The following ARHGAP20 variants were observed in gnomAD, a reference collection of about 807,000 sequenced individuals.
The protein encoded by ARHGAP20 is rho GTPase-activating protein 20.
In ARHGAP20, 34 loss-of-function variants were observed where a neutral mutation model predicts 73.7. The observed-to-expected ratio is 0.46, with a 90% CI of 0.35 to 0.61. ARHGAP20 has a LOEUF of 0.61. ARHGAP20 is among the 20% of genes least tolerant of loss of function. ARHGAP20 has a pLI of 0.00. For missense variants in ARHGAP20, 1,314 were observed against 1,420.9 expected (o/e 0.92, Z 1.21); for synonymous variants, 523 against 518.2 (o/e 1.01, Z -0.13).
chr11:110,706,597 A>ACTCT, intron 1 of ARHGAP20, among the ~76,000 whole-genome samples: 1 of 152,042 alleles, frequency 6.6e-6, no homozygotes, highest in Admixed American at 6.5e-5. Flanking sequence ...CTTTACACCT[A>ACTCT]CTCTCACATG....
intron 4 of ARHGAP20, among the ~76,000 whole-genome samples, chr11:110,622,334 C>CT (rs1415302042): frequency 6.6e-6 from 1 of 152,106 alleles, no homozygotes; most frequent in East Asian, 1.9e-4. Flanking sequence ...CAACACTTCA[C>CT]TTTTTTAAAA....
chr11:110,646,327 G>A (rs1381814178), intron 2 of ARHGAP20, among the ~76,000 whole-genome samples: 1 of 152,056 alleles, frequency 6.6e-6, no homozygotes, highest in Non-Finnish European at 1.5e-5. Context: ...AAAGAAAACA[G>A]CTGGCTTTGA....
At position 110,712,208 on chromosome 11, in the gene ARHGAP20, C is replaced by T; in HGVS notation, c.24G>A (p.Gln8=). 7.3e-7 allele frequency: 1 copy of T among 1,368,452 alleles called. No individual in the cohort carries two copies. Among genetic ancestry groups the T allele is most frequent in the African/African-American group, 1.5e-5 (1 of 66,920 alleles). The allele number at this position is 1,368,452 out of a possible 1,614,324, so 84.8% of individuals were successfully genotyped here. Reference sequence around the variant, plus strand: ...GCCCCGGCTGTCCCCCTAGAGTCTCCTGCTGGGGGGACATCGCTTCCATGA... The same window carrying T: ...GCCCCGGCTGTCCCCCTAGAGTCTCTTGCTGGGGGGACATCGCTTCCATGA... MEAMSPQ[Q]ETLGGQPGRS... is the part of the protein sequence containing the mutation. Residue 8 remains glutamine, a synonymous_variant, in exon 1 of 15, where the codon CAG becomes CAA. Transcript: ENST00000683387.
rs1373573695 is a variant in ARHGAP20 at position 110,577,815 on chromosome 11, ACTT to A, written c.*1552_*1554del. 5 of 985,624 alleles carry A rather than the reference ACTT, an allele frequency of 5.1e-6. No homozygotes were observed. Among genetic ancestry groups the A allele is most frequent in the East Asian group, 2.3e-4 (2 of 8,826 alleles). The allele number at this position is 985,624 out of a possible 1,614,324, so 61.1% of individuals were successfully genotyped here. On this transcript the variant is annotated 3_prime_UTR_variant, in exon 15 of 15. Transcript: ENST00000683387. ...AGCACCTATAGCTAATACTGAAATA[ACTT>A]CTTCTATCTTAGAGAAAATATTTTT...
chr11:110,625,204 A>AT lies in ARHGAP20; in HGVS notation c.354-894dup, dbSNP rs560748373. Among the ~76,000 whole-genome samples, 587 of 149,790 alleles carry AT rather than the reference A, an allele frequency of 3.9e-3. 2 individuals carry two copies. Among genetic ancestry groups the AT allele is most frequent in the Middle Eastern group, 0.01 (3 of 294 alleles). ...AGGCGCCCGCCACCGCGCCCGGCTAATTTTTTGTATTTTTAGTAGAGACGG... is the reference window on the plus strand; with the variant it reads ...AGGCGCCCGCCACCGCGCCCGGCTAATTTTTTTGTATTTTTAGTAGAGACGG... On this transcript the variant is annotated intron_variant, in intron 3 of 14. Transcript: ENST00000683387.
intron 2 of ARHGAP20, among the ~76,000 whole-genome samples, chr11:110,662,185 AT>A (rs750882088): frequency 3.8e-4 from 57 of 151,946 alleles, no homozygotes; most frequent in South Asian, 1.2e-3. Context: ...AAAGGTTAAA[AT>A]TTTAAAGTTA....
intron 1 of ARHGAP20, chr11:110,690,871 A>C: frequency 9.8e-7 from 1 of 1,025,382 alleles, no homozygotes; most frequent in South Asian, 1.6e-5. Context: ...GAGAATAAAG[A>C]GGTTAAATGT....
At chr11:110,582,279 G>T in intron 14 of ARHGAP20, 42 bp downstream of exon 14, 1 of 1,453,430 alleles carries the variant, frequency 6.9e-7, no homozygotes, top group Non-Finnish European at 9.7e-7. Context: ...AAACAACCAT[G>T]TGTCTGTTTC....
At chr11:110,665,572 A>G (rs1472417228) in intron 2 of ARHGAP20, among the ~76,000 whole-genome samples, 1 of 152,226 alleles carries the variant, frequency 6.6e-6, no homozygotes, top group East Asian at 1.9e-4. Flanking sequence ...GGGAATAAGA[A>G]GCTAAACAGA....
chr11:110,665,321 A>C (rs1949702657), intron 2 of ARHGAP20, among the ~76,000 whole-genome samples: 2 of 152,208 alleles, frequency 1.3e-5, no homozygotes, highest in South Asian at 4.1e-4. Context: ...AAAATCCAAA[A>C]TACATGCAAA....
intron 1 of ARHGAP20, among the ~76,000 whole-genome samples, chr11:110,699,955 GA>G (rs1160901410): frequency 6.6e-6 from 1 of 151,868 alleles, no homozygotes; most frequent in East Asian, 1.9e-4. Flanking sequence ...GGTAACTGAA[GA>G]AAAAAACTTT....
chr11:110,705,970 T>TA (rs1267525672), intron 1 of ARHGAP20, among the ~76,000 whole-genome samples: 1 of 152,152 alleles, frequency 6.6e-6, no homozygotes, highest in Admixed American at 6.6e-5. Context: ...CACCAAGGCA[T>TA]AAAAATCACC....
intron 2 of ARHGAP20, among the ~76,000 whole-genome samples, chr11:110,688,561 G>T (rs937569155): frequency 8.6e-5 from 13 of 151,864 alleles, no homozygotes; most frequent in African/African-American, 2.7e-4. Context: ...GAGAATTAAA[G>T]ACATCTATAC....
At chr11:110,661,104 C>T (rs1223296358) in intron 2 of ARHGAP20, among the ~76,000 whole-genome samples, 1 of 152,118 alleles carries the variant, frequency 6.6e-6, no homozygotes, top group Non-Finnish European at 1.5e-5. Context: ...TCAGTGTTTG[C>T]TGGGGGTTAA....
intron 2 of ARHGAP20, among the ~76,000 whole-genome samples, chr11:110,633,080 G>T (rs1006551313): frequency 2.0e-5 from 3 of 152,106 alleles, no homozygotes; most frequent in Non-Finnish European, 2.9e-5. Context: ...ATTCTCCAAT[G>T]CATTCTATTA....
intron 2 of ARHGAP20, among the ~76,000 whole-genome samples, chr11:110,658,046 A>G (rs1949511212): frequency 6.6e-6 from 1 of 152,210 alleles, no homozygotes; most frequent in South Asian, 2.1e-4. Flanking sequence ...AGAGTCAGAC[A>G]GACCTGAGTT....
At chr11:110,643,003 C>T (rs931742187) in intron 2 of ARHGAP20, among the ~76,000 whole-genome samples, 1 of 152,028 alleles carries the variant, frequency 6.6e-6, no homozygotes, top group African/African-American at 2.4e-5. Context: ...CTGGTTCAAT[C>T]TTGAGAGGCT....
intron 9 of ARHGAP20, among the ~76,000 whole-genome samples, chr11:110,599,002 G>C (rs1410901354): frequency 6.6e-6 from 1 of 151,334 alleles, no homozygotes; most frequent in Non-Finnish European, 1.5e-5. Flanking sequence ...ACCTGTCCAA[G>C]TCATGGCTAT....
chr11:110,590,586 G>GT, intron 11 of ARHGAP20, 62 bp downstream of exon 11: 1 of 1,471,306 alleles, frequency 6.8e-7, no homozygotes, highest in Non-Finnish European at 9.1e-7. Context: ...TAATGAAAAA[G>GT]TAAAACACCC....
Sources: gnomAD v4.1 joint callset for allele counts (sites outside exome capture counted in the v4.1 genomes callset) on GRCh38, gnomAD v4.1.1 for gene constraint, MANE v1.5 for transcripts, NCBI Gene and HGNC (gene_info 2026-07-23, HGNC 2026-07-21) for gene names.